The following ARSH variants were observed in gnomAD, a reference collection of about 807,000 sequenced individuals.
The protein encoded by ARSH is arylsulfatase H.
ARSH carries 32 observed loss-of-function variants against 28.7 expected under a neutral mutation model. The observed-to-expected ratio is 1.11, with a 90% CI of 0.84 to 1.50. The LOEUF (loss-of-function observed/expected upper bound fraction) is 1.50. Among genes scored for constraint, ARSH ranks in the 40% most tolerant of loss-of-function variants. The pLI is 0.00. For missense variants in ARSH, 440 were observed against 452.4 expected, an observed-to-expected ratio of 0.97 and a Z score of 0.25; for synonymous variants, 176 against 177.3, an observed-to-expected ratio of 0.99 and a Z score of 0.06.
chrX:3,006,773 C>T (rs1178352010), intron 1 of ARSH, 69 bp downstream of exon 1: 92 of 903,438 alleles, frequency 1.0e-4, no homozygotes, highest in Middle Eastern at 9.5e-4. Context: ...ACGTCTTTGC[C>T]GTTGCAGAGA....
In ARSH at chrX:3,033,172, C is replaced by T; in HGVS notation, c.1476C>T (p.Ala492=). Residue 492 remains alanine (A), a synonymous_variant, in exon 9 of 9, where the codon GCC becomes GCT. Coordinates refer to ENST00000381130, the MANE Select transcript of ARSH (RefSeq NM_001011719.2). ...ACATCTCAAGAGACCCTTCAGAAGC[C>T]CTTCCACTGAACCCTGACAATGAGC... ...LFDISRDPSE[A]LPLNPDNEPL... 3 of 1,211,431 alleles carry T rather than the reference C, an allele frequency of 2.5e-6. No homozygotes were observed. Among genetic ancestry groups the T allele is most frequent in the Non-Finnish European group, 3.4e-6 (3 of 895,419 alleles).
Position 3,027,352 on chromosome X carries a change from T to G in ARSH, c.1076T>G (p.Val359Gly). The G allele has an allele frequency of 8.3e-7, 1 of 1,211,408 alleles. No homozygotes were observed. Among genetic ancestry groups the G allele is most frequent in the Non-Finnish European group, 1.1e-6 (1 of 895,323 alleles). ...GGAGGATGGGAAGGAGGTATCCGTG[T>G]GCCAGGGATATTCCGGTGGCCGTCA... Reference protein sequence around the residue: ...GMGGWEGGIRVPGIFRWPSVL... With the variant: ...GMGGWEGGIRGPGIFRWPSVL... Residue 359 changes from valine to glycine, a missense_variant, in exon 7 of 9, where the codon GTG (valine) becomes GGG (glycine). Val to Gly is a moderately radical substitution (Grantham distance 109). Transcript: ENST00000381130.
chrX:3,023,956 A>G, intron 5 of ARSH, 65 bp from the exon 6 acceptor site: 1 of 1,160,567 alleles, frequency 8.6e-7, no homozygotes, highest in Non-Finnish European at 1.2e-6. Context: ...AGTAGCAGAT[A>G]TGTAATAAAG....
At chrX:3,016,668 C>G (rs1325717989) in intron 4 of ARSH, among the ~76,000 whole-genome samples, 2 of 111,283 alleles carry the variant, frequency 1.8e-5, no homozygotes, top group African/African-American at 3.3e-5. Context: ...ACCTCAAACT[C>G]CTGGGCACCA....
intron 6 of ARSH, among the ~76,000 whole-genome samples, chrX:3,026,843 CTTTTT>C (rs1450527827): frequency 1.7e-3 from 151 of 88,226 alleles, no homozygotes; most frequent in African/African-American, 6.9e-3. Flanking sequence ...TTTTTCTTTT[CTTTTT>C]CTTTTTCTTT....
chrX:3,009,967 T>C (rs2089841707), intron 1 of ARSH, 63 bp from the exon 2 acceptor site: 1 of 1,167,789 alleles, frequency 8.6e-7, no homozygotes, highest in Non-Finnish European at 1.2e-6. Context: ...ATAGCTTTGA[T>C]CCTTGATCAT....
intron 3 of ARSH, 117 bp downstream of exon 3, chrX:3,013,289 G>C: frequency 1.2e-6 from 1 of 825,523 alleles, no homozygotes; most frequent in Non-Finnish European, 1.7e-6. Context: ...ACTTCTCTTT[G>C]AGATAAGACA....
In ARSH at chrX:3,024,116, G is replaced by A. The variant is rs754620451; in HGVS notation, c.997G>A (p.Gly333Arg). ...DNGGHLEPLD[G>R]AVQLGGWNGI... The stretch of plus-strand genomic sequence containing the variant: ...CGGGGGCCACCTGGAGCCCCTGGAC[G>A]GGGCTGTTCAGCTGGGTGGCTGGAA... Residue 333 changes from glycine to arginine, a missense_variant, in exon 6 of 9, where the codon GGG becomes AGG. Transcript: ENST00000381130. 8.3e-6 allele frequency: 10 copies of A among 1,199,409 alleles called. No individual in the cohort carries two copies. The highest frequency in any genetic ancestry group is 1.1e-5 in the Non-Finnish European group (10 of 891,178).
At chrX:3,027,183 C>T in intron 6 of ARSH, 130 bp from the exon 7 acceptor site, 1 of 638,236 alleles carries the variant, frequency 1.6e-6, no homozygotes. Context: ...TGGTCTTGAA[C>T]TCCTGACCTC....
At chrX:3,031,311 G>A (rs189629099) in intron 8 of ARSH, among the ~76,000 whole-genome samples, 1 of 111,785 alleles carries the variant, frequency 8.9e-6, no homozygotes, top group Non-Finnish European at 1.9e-5. Flanking sequence ...TTCTAGCAAC[G>A]AGGAGTAAAT....
intron 2 of ARSH, among the ~76,000 whole-genome samples, chrX:3,011,496 C>G (rs1459291707): frequency 9.0e-6 from 1 of 111,599 alleles, no homozygotes; most frequent in African/African-American, 3.2e-5. Flanking sequence ...TGTGATCCAC[C>G]TGCCTTGGCC....
intron 8 of ARSH, 89 bp from the exon 9 acceptor site, chrX:3,032,929 A>G: frequency 9.9e-7 from 1 of 1,013,248 alleles, no homozygotes; most frequent in Non-Finnish European, 1.3e-6. Flanking sequence ...CAATCACTAG[A>G]AAAAGCTTTT....
At chrX:3,010,474 A>C (rs1373258560) in intron 2 of ARSH, among the ~76,000 whole-genome samples, 1 of 111,806 alleles carries the variant, frequency 8.9e-6, no homozygotes, top group East Asian at 2.8e-4. Flanking sequence ...AGCAGAGACC[A>C]TGCAGTGGTT....
At position 3,006,653 on chromosome X, in the gene ARSH, C is replaced by G; in HGVS notation, c.41C>G (p.Ala14Gly). 1.7e-6 allele frequency: 2 copies of G among 1,211,200 alleles called. No homozygotes were observed. The highest frequency in any genetic ancestry group is 1.1e-6 in the Non-Finnish European group (1 of 895,239). The change falls in exon 1 of 9, where the codon GCA (alanine) becomes GGA (glycine). Residue 14 changes from alanine to glycine, a missense_variant. Physicochemically the swap from Ala to Gly is moderately conservative, Grantham distance 60. Transcript: ENST00000381130. ...NARPNIVLLM[A>G]DDLGVGDLCC... ...AGACCCAACATTGTCCTGCTGATGGCAGATGACCTTGGAGTGGGGGATTTG... is the reference window on the plus strand; with the variant it reads ...AGACCCAACATTGTCCTGCTGATGGGAGATGACCTTGGAGTGGGGGATTTG...
chrX:3,033,268 C>T lies in ARSH; in HGVS notation c.1572C>T (p.Val524=). 1 of 1,211,498 alleles carries T rather than the reference C, an allele frequency of 8.3e-7. No homozygotes were observed. Among genetic ancestry groups the T allele is most frequent in the African/African-American group, 1.7e-5 (1 of 57,849 alleles). Residue 524 remains valine (V), a synonymous_variant, in exon 9 of 9, where the codon GTC becomes GTT. Coordinates refer to ENST00000381130, the MANE Select transcript of ARSH (RefSeq NM_001011719.2). ...IREHRRTLTP[V]PQQFSVFNTI... ...AGCATCGTAGGACACTAACACCTGTCCCACAGCAGTTCTCTGTGTTCAACA... is the reference window on the plus strand; with the variant it reads ...AGCATCGTAGGACACTAACACCTGTTCCACAGCAGTTCTCTGTGTTCAACA...
chrX:3,010,540 G>A (rs1450969728), intron 2 of ARSH, among the ~76,000 whole-genome samples: 1 of 111,821 alleles, frequency 8.9e-6, no homozygotes, highest in Non-Finnish European at 1.9e-5. Context: ...ACTAGACACA[G>A]TTGGGAAAAA....
In ARSH at chrX:3,029,307, C is replaced by T. The variant is rs142007642; in HGVS notation, c.1260C>T (p.His420=). 3.1e-4 allele frequency: 371 copies of T among 1,208,475 alleles called. No individual in the cohort carries two copies. The highest frequency in any genetic ancestry group is 2.8e-3 in the South Asian group (160 of 56,632). Residue 420 remains histidine (H), a synonymous_variant, in exon 8 of 9, where the codon CAC becomes CAT. Coordinates refer to ENST00000381130, the MANE Select transcript of ARSH (RefSeq NM_001011719.2). ...LLEGRASHSD[H]EFLFHYCGVY... is the part of the protein sequence containing the mutation. The stretch of plus-strand genomic sequence containing the variant: ...AAGGAAGGGCGTCCCACTCCGACCA[C>T]GAGTTCCTCTTCCACTACTGTGGGG...
intron 5 of ARSH, among the ~76,000 whole-genome samples, chrX:3,021,309 A>G (rs2089883248): frequency 8.9e-6 from 1 of 112,266 alleles, no homozygotes; most frequent in Non-Finnish European, 1.9e-5. Flanking sequence ...ATGTAAATAC[A>G]TGATGAAGAC....
intron 8 of ARSH, 62 bp downstream of exon 8, chrX:3,029,430 T>C: frequency 8.6e-7 from 1 of 1,161,597 alleles, no homozygotes; most frequent in Non-Finnish European, 1.2e-6. Context: ...GTCTCCTTCG[T>C]CTCCTGGCGG....
Sources: gnomAD v4.1 joint callset for allele counts (sites outside exome capture counted in the v4.1 genomes callset) on GRCh38, gnomAD v4.1.1 for gene constraint, MANE v1.5 for transcripts, NCBI Gene and HGNC (gene_info 2026-07-23, HGNC 2026-07-21) for gene names.